Variants in TATDN3 observed in about 807,000 individuals in gnomAD.
The protein encoded by TATDN3 is deoxyribonuclease TATDN3.
In TATDN3, 29 loss-of-function variants were observed where a neutral mutation model predicts 40.1. That is an observed-to-expected ratio of 0.72 (90% CI 0.54 to 0.99). The LOEUF (loss-of-function observed/expected upper bound fraction) is 0.99, where lower values mean the gene tolerates loss of function less well. Ranked by LOEUF, TATDN3 falls within the 50% of genes least tolerant of loss-of-function variation. TATDN3 has a pLI of 0.00. For missense variants in TATDN3, 309 were observed against 321.9 expected, an observed-to-expected ratio of 0.96 and a Z score of 0.31; for synonymous variants, 105 against 117.0, an observed-to-expected ratio of 0.90 and a Z score of 0.66.
intron 1 of TATDN3, among the ~76,000 whole-genome samples, chr1:212,793,717 T>C (rs2102424856): frequency 6.6e-6 from 1 of 152,194 alleles, no homozygotes; most frequent in Admixed American, 6.5e-5. Context: ...TACTGAAGAA[T>C]TGGATGTGGA....
chr1:212,814,933 A>G, intron 9 of TATDN3, 80 bp from the exon 10 acceptor site: 1 of 1,455,294 alleles, frequency 6.9e-7, no homozygotes, highest in Middle Eastern at 1.9e-4. Flanking sequence ...TTACCAACTC[A>G]TTTTCTTCTA....
chr1:212,803,648 C>T (rs754291461), intron 5 of TATDN3, among the ~76,000 whole-genome samples: 7 of 151,722 alleles, frequency 4.6e-5, no homozygotes, highest in Admixed American at 1.3e-4. Flanking sequence ...GGCCACTTAA[C>T]GGCTTCTGAG....
At chr1:212,813,389 A>G (rs543573610) in intron 9 of TATDN3, among the ~76,000 whole-genome samples, 42 of 152,232 alleles carry the variant, frequency 2.8e-4, no homozygotes, top group East Asian at 3.9e-4. Context: ...TTGACTACCC[A>G]TCAGATCTGT....
Position 212,816,715 on chromosome 1 carries a change from G to T in TATDN3, c.*1559G>T, listed in dbSNP as rs1362847755. The T allele has an allele frequency of 1.3e-5, 2 of 152,154 alleles. No individual in the cohort carries two copies. Among genetic ancestry groups the T allele is most frequent in the African/African-American group, 4.8e-5 (2 of 41,440 alleles). The allele number at this position is 152,154 out of a possible 1,614,324, so 9.4% of individuals were successfully genotyped here. On this transcript the variant is annotated 3_prime_UTR_variant, in exon 10 of 10. Coordinates refer to ENST00000366974, the MANE Select transcript of TATDN3 (RefSeq NM_001042552.3). ...GGTCAGATTGTCCAAACCAGACTAA[G>T]AAACTGAATAGGGTATTTTATGAGG...
At chr1:212,796,478 G>A (rs761269571) in intron 2 of TATDN3, 39 bp from the exon 3 acceptor site, 2 of 1,396,710 alleles carry the variant, frequency 1.4e-6, no homozygotes, top group East Asian at 2.8e-5. Context: ...TATATTAAAT[G>A]TATATTGTTT....
At chr1:212,799,680 G>A (rs745758055) in intron 4 of TATDN3, among the ~76,000 whole-genome samples, 90 of 152,094 alleles carry the variant, frequency 5.9e-4, no homozygotes, top group Non-Finnish European at 1.1e-3. Context: ...TGGGATTACA[G>A]GCATGCACCA....
At chr1:212,806,783 TACACACACAC>T (rs1553257532) in intron 7 of TATDN3, among the ~76,000 whole-genome samples, 1 of 79,520 alleles carries the variant, frequency 1.3e-5, no homozygotes. Flanking sequence ...TATATATATA[TACACACACAC>T]ACACACATAT....
At position 212,815,257 on chromosome 1, in the gene TATDN3, T is replaced by C. The variant is rs1487210015; in HGVS notation, c.*101T>C. 1.6e-5 allele frequency: 21 copies of C among 1,353,302 alleles called. No homozygotes were observed. Among genetic ancestry groups the C allele is most frequent in the Admixed American group, 2.4e-5 (1 of 41,488 alleles). 83.8% of individuals were successfully genotyped at this position (1,353,302 alleles called of 1,614,324 possible). A position where few individuals can be genotyped will look rare whatever the true frequency, so the allele number is the denominator to read the frequency against. On this transcript the variant is annotated 3_prime_UTR_variant, in exon 10 of 10. Transcript: ENST00000366974. ...AATCTGAACTGAAGAAGCTGTTTTA[T>C]AGGGTTATAGAAGATTGTAATTGTA...
chr1:212,800,398 G>A (rs1416638009), intron 4 of TATDN3, among the ~76,000 whole-genome samples: 3 of 143,500 alleles, frequency 2.1e-5, no homozygotes. Context: ...TTTTGAGATA[G>A]AATCTTGCTC....
chr1:212,806,368 CT>C (rs771628190), intron 7 of TATDN3, among the ~76,000 whole-genome samples: 2,547 of 132,400 alleles, frequency 0.019, 26 homozygotes, highest in South Asian at 0.031. Context: ...TTCTCTCTCT[CT>C]TTTTTTTTTT....
chr1:212,810,511 CAAAAA>C (rs55912631), intron 8 of TATDN3, among the ~76,000 whole-genome samples: 3 of 49,720 alleles, frequency 6.0e-5, no homozygotes, highest in South Asian at 1.1e-3. Flanking sequence ...GACTCTGTCT[CAAAAA>C]AAAAAAAAAA....
At chr1:212,792,664 G>A (rs1280087349) in intron 1 of TATDN3, among the ~76,000 whole-genome samples, 6 of 133,504 alleles carry the variant, frequency 4.5e-5, no homozygotes, top group Non-Finnish European at 8.1e-5. Flanking sequence ...TTCACAAATG[G>A]GGGAGAGAGG....
At chr1:212,805,711 C>T (rs1662421949) in intron 7 of TATDN3, among the ~76,000 whole-genome samples, 1 of 152,160 alleles carries the variant, frequency 6.6e-6, no homozygotes, top group African/African-American at 2.4e-5. Context: ...TGCAGAAATA[C>T]AGATTTTGGC....
At chr1:212,794,929 G>C (rs886486052) in intron 1 of TATDN3, 166 bp from the exon 2 acceptor site, 3 of 652,386 alleles carry the variant, frequency 4.6e-6, no homozygotes, top group Admixed American at 4.7e-5. Context: ...TTTACTGATA[G>C]TAAGAGTAAA....
At chr1:212,807,075 C>G (rs888470128) in intron 7 of TATDN3, among the ~76,000 whole-genome samples, 8 of 151,408 alleles carry the variant, frequency 5.3e-5, no homozygotes, top group African/African-American at 1.9e-4. Flanking sequence ...TCCCAAGTAG[C>G]TGGGATTACA....
intron 1 of TATDN3, among the ~76,000 whole-genome samples, chr1:212,794,354 G>A (rs1320002150): frequency 6.6e-6 from 1 of 152,050 alleles, no homozygotes; most frequent in Non-Finnish European, 1.5e-5. Flanking sequence ...ACTTTGGGAG[G>A]CCAAGGTGGG....
chr1:212,796,532 C>A lies in TATDN3; in HGVS notation c.115C>A (p.Leu39Ile). ...EKAKKANVVA[L>I]VAVAEHSGEF... Reference sequence around the variant, plus strand: ...TTTTTTTCAGGCCAATGTTGTGGCCCTTGTGGCAGTTGCCGAACATTCAGG... The same window carrying A: ...TTTTTTTCAGGCCAATGTTGTGGCCATTGTGGCAGTTGCCGAACATTCAGG... Residue 39 changes from leucine to isoleucine, a missense_variant, in exon 3 of 10, where the codon CTT (leucine) becomes ATT (isoleucine). Physicochemically the swap from Leu to Ile is conservative, Grantham distance 5 (BLOSUM62 2). Transcript: ENST00000366974. 1.3e-6 allele frequency: 2 copies of A among 1,552,792 alleles called. No homozygotes were observed. Among genetic ancestry groups the A allele is most frequent in the South Asian group, 1.3e-5 (1 of 78,680 alleles).
In TATDN3 at chr1:212,804,513, T is replaced by A; in HGVS notation, c.432-83T>A. ...TTCTCCTGAAATGGAACTCTACATT[T>A]ATTTTTCTCCAAACTACTTTAATAG... On this transcript the variant is annotated intron_variant, in intron 6 of 9. Transcript: ENST00000366974. 6 of 1,560,734 alleles carry A rather than the reference T, an allele frequency of 3.8e-6. No individual in the cohort carries two copies. In the South Asian group the frequency reaches 6.8e-5, roughly 18 times the overall value.
At chr1:212,795,823 A>G (rs1044063694) in intron 2 of TATDN3, among the ~76,000 whole-genome samples, 1 of 152,232 alleles carries the variant, frequency 6.6e-6, no homozygotes, top group African/African-American at 2.4e-5. Flanking sequence ...TTACTAATTT[A>G]TAGCCAATCA....
Sources: allele counts gnomAD v4.1 joint callset (sites outside exome capture counted in the v4.1 genomes callset), GRCh38; gene constraint gnomAD v4.1.1; transcripts MANE v1.5; gene names NCBI Gene and HGNC (gene_info 2026-07-23, HGNC 2026-07-21).